The following EPHA5 variants were observed in gnomAD, a reference collection of about 807,000 sequenced individuals.
EPHA5 encodes the protein EPH receptor A5, also known as ephrin type-A receptor 5.
A neutral mutation model predicts 105.0 loss-of-function variants in EPHA5; 60 were observed. The ratio of observed to expected loss-of-function variants is 0.57; its 90% CI spans 0.46 to 0.71. EPHA5 has a LOEUF of 0.71. Among genes scored for constraint, EPHA5 ranks in the 30% least tolerant of loss-of-function variants. The pLI, the probability that EPHA5 is intolerant of heterozygous loss-of-function variation, is 0.00. For synonymous variants in EPHA5, 513 were observed against 449.1 expected, an observed-to-expected ratio of 1.14 and a Z score of -1.80; for missense variants, 1,218 against 1,274.7, an observed-to-expected ratio of 0.96 and a Z score of 0.68.
At chr4:65,388,200 C>T (rs1365585255) in intron 8 of EPHA5, among the ~76,000 whole-genome samples, 1 of 149,156 alleles carries the variant, frequency 6.7e-6, no homozygotes, top group Non-Finnish European at 1.5e-5. Context: ...GCCACATTTT[C>T]TTAATCCAGT....
chr4:65,364,679 A>G (rs1417369237), intron 11 of EPHA5, among the ~76,000 whole-genome samples: 1 of 151,602 alleles, frequency 6.6e-6, no homozygotes, highest in Non-Finnish European at 1.5e-5. Flanking sequence ...CAATGCTTCA[A>G]TCAAAACTTT....
intron 3 of EPHA5, among the ~76,000 whole-genome samples, chr4:65,513,191 G>T (rs1180672979): frequency 6.6e-6 from 1 of 152,064 alleles, no homozygotes; most frequent in African/African-American, 2.4e-5. Context: ...TTATAAATGT[G>T]GTTCTTGAGA....
intron 1 of EPHA5, among the ~76,000 whole-genome samples, chr4:65,660,077 T>C (rs1468493897): frequency 6.6e-6 from 1 of 152,112 alleles, no homozygotes; most frequent in Non-Finnish European, 1.5e-5. Flanking sequence ...TATACGTGTG[T>C]GTGTATTTAA....
intron 16 of EPHA5, among the ~76,000 whole-genome samples, chr4:65,325,045 T>C (rs913256099): frequency 6.6e-5 from 10 of 151,390 alleles, no homozygotes; most frequent in Admixed American, 6.6e-5. Flanking sequence ...TTGTCAGATA[T>C]GTTTGGCAAA....
At chr4:65,587,676 T>C (rs922036882) in intron 3 of EPHA5, among the ~76,000 whole-genome samples, 4 of 152,192 alleles carry the variant, frequency 2.6e-5, no homozygotes, top group African/African-American at 4.8e-5. Flanking sequence ...GGGCCTCTAC[T>C]GTCTAGGGTA....
chr4:65,500,967 A>T (rs957696059), intron 3 of EPHA5, among the ~76,000 whole-genome samples: 1 of 151,322 alleles, frequency 6.6e-6, no homozygotes, highest in Non-Finnish European at 1.5e-5. Context: ...TTGAGAAAGA[A>T]AATCACTATG....
At chr4:65,579,554 C>T (rs574267867) in intron 3 of EPHA5, among the ~76,000 whole-genome samples, 61 of 151,458 alleles carry the variant, frequency 4.0e-4, no homozygotes, top group African/African-American at 1.5e-3. Flanking sequence ...CAAAATATTT[C>T]CTAATTATAA....
At chr4:65,554,129 C>T (rs1173584416) in intron 3 of EPHA5, among the ~76,000 whole-genome samples, 2 of 150,640 alleles carry the variant, frequency 1.3e-5, no homozygotes, top group East Asian at 3.9e-4. Context: ...TTTCACATAC[C>T]TTTTGAAGAG....
chr4:65,405,671 A>G (rs924807528), intron 7 of EPHA5, among the ~76,000 whole-genome samples: 15 of 152,132 alleles, frequency 9.9e-5, no homozygotes, highest in African/African-American at 2.4e-5. Context: ...TTTTCAATAT[A>G]AGTCAGTGCT....
intron 5 of EPHA5, among the ~76,000 whole-genome samples, chr4:65,485,424 G>A (rs1730784711): frequency 6.6e-6 from 1 of 151,914 alleles, no homozygotes; most frequent in South Asian, 2.1e-4. Flanking sequence ...TTATAACCAT[G>A]TTTTACAAGA....
rs533024341 is a variant in EPHA5, at chr4:65,348,018, C to T, written c.2595+36G>A. 132 of 1,522,870 alleles carry T rather than the reference C, an allele frequency of 8.7e-5. No individual in the cohort carries two copies. In the South Asian group the frequency reaches 1.1e-3, roughly 13 times the overall value. 94.3% of individuals were successfully genotyped at this position (1,522,870 alleles called of 1,614,324 possible). A position where few individuals can be genotyped will look rare whatever the true frequency, so the allele number is the denominator to read the frequency against. On this transcript the variant is annotated intron_variant, in intron 14 of 16. Coordinates refer to ENST00000613740, the MANE Select transcript of EPHA5 (RefSeq NM_001281766.3). ...TCTTGACTCAGAGAACAAAGCATTT[C>T]ATTGTCAAGTTGGGAAAGAGTAGTT...
At chr4:65,565,728 C>G (rs1416887562) in intron 3 of EPHA5, among the ~76,000 whole-genome samples, 2 of 150,236 alleles carry the variant, frequency 1.3e-5, no homozygotes, top group Non-Finnish European at 3.0e-5. Flanking sequence ...AGGAGGATGC[C>G]AAACTCTAGC....
intron 11 of EPHA5, among the ~76,000 whole-genome samples, chr4:65,356,880 T>C (rs1461616013): frequency 6.6e-6 from 1 of 151,464 alleles, no homozygotes; most frequent in Admixed American, 6.6e-5. Context: ...CTAACCCTTG[T>C]AAATTCAATA....
chr4:65,329,871 T>G (rs889867381), intron 16 of EPHA5, among the ~76,000 whole-genome samples: 1 of 151,128 alleles, frequency 6.6e-6, no homozygotes, highest in Non-Finnish European at 1.5e-5. Flanking sequence ...TAAAAAAATT[T>G]TTTTGACCAA....
chr4:65,351,331 T>C, intron 13 of EPHA5, 58 bp downstream of exon 13: 1 of 1,460,718 alleles, frequency 6.8e-7, no homozygotes, highest in Non-Finnish European at 9.4e-7. Context: ...TCTTTCAGAA[T>C]CTTTAAAAAT....
chr4:65,633,394 A>G (rs758857761), intron 2 of EPHA5, among the ~76,000 whole-genome samples: 3 of 151,966 alleles, frequency 2.0e-5, no homozygotes, highest in South Asian at 2.1e-4. Context: ...ATAAACACCA[A>G]TCAAACCACT....
At position 65,657,920 on chromosome 4, in the gene EPHA5, A is replaced by AG. The variant is rs397993769; in HGVS notation, c.181+11641dup. ...ATGCAAAAAAAAAAAAAAAAAAAAAAGATATTTTACTGCCAGTTTTTGTGG... is the reference window on the plus strand; with the variant it reads ...ATGCAAAAAAAAAAAAAAAAAAAAAAGGATATTTTACTGCCAGTTTTTGTGG... On this transcript the variant is annotated intron_variant, in intron 1 of 16. Transcript: ENST00000613740. 2.7e-3 allele frequency among the ~76,000 whole-genome samples: 365 copies of AG among 135,160 alleles called. 3 individuals are homozygous for AG. Among genetic ancestry groups the AG allele is most frequent in the Admixed American group, 4.6e-3 (60 of 13,064 alleles). 88.7% of individuals were successfully genotyped at this position (135,160 alleles called of 152,430 possible). A position where few individuals can be genotyped will look rare whatever the true frequency, so the allele number is the denominator to read the frequency against.
chr4:65,327,781 T>C (rs1247248016), intron 16 of EPHA5, among the ~76,000 whole-genome samples: 2 of 151,256 alleles, frequency 1.3e-5, no homozygotes, highest in East Asian at 3.9e-4. Flanking sequence ...AAAATGTTTA[T>C]AGTAAAGGTT....
rs562718826 is a variant in EPHA5 at position 65,414,261 on chromosome 4, T to C, written c.1687+23A>G. ...TGGTAACCATTACTGAGACATGAGC[T>C]GACAGTAATTAAAATGACTTACACA... On this transcript the variant is annotated intron_variant, in intron 7 of 16. Transcript: ENST00000613740. The C allele has an allele frequency of 6.8e-6, 11 of 1,610,740 alleles. No individual in the cohort carries two copies. In the African/African-American group the frequency reaches 1.5e-4, roughly 21 times the overall value.
Sources: gnomAD v4.1 joint callset for allele counts (sites outside exome capture counted in the v4.1 genomes callset) on GRCh38, gnomAD v4.1.1 for gene constraint, MANE v1.5 for transcripts, NCBI Gene and HGNC (gene_info 2026-07-23, HGNC 2026-07-21) for gene names.